COL8A1: variants seen among roughly 807,000 people sequenced by gnomAD.
The protein encoded by COL8A1 is collagen type VIII alpha 1 chain, also known as collagen alpha-1(VIII) chain.
A neutral mutation model predicts 42.7 loss-of-function variants in COL8A1; 21 were observed. The observed-to-expected ratio is 0.49, with a 90% confidence interval of 0.35 to 0.71. The LOEUF (loss-of-function observed/expected upper bound fraction) is 0.71, where lower values mean the gene tolerates loss of function less well. Ranked by LOEUF, COL8A1 falls within the 30% of genes least tolerant of loss-of-function variation. The probability of loss-of-function intolerance (pLI) is 0.01; values close to 1 mark genes in which losing one functional copy is unlikely to be tolerated. For synonymous variants in COL8A1, 367 were observed against 369.1 expected (o/e 0.99, Z 0.06); for missense variants, 788 against 962.4 (o/e 0.82, Z 2.40).
chr3:99,686,109 G>A (rs145952809), intron 1 of COL8A1, among the ~76,000 whole-genome samples: 2 of 152,192 alleles, frequency 1.3e-5, no homozygotes, highest in East Asian at 3.9e-4. Context: ...TAATCACATA[G>A]CCCTAAATAA....
In COL8A1 at chr3:99,797,795, T is replaced by G. The variant is rs1255669202; in HGVS notation, c.*1659T>G. Reference sequence around the variant, plus strand: ...AAAGGGCAACAAGAGCCTGTGTTTTTAATGTCATCCTGTACTCGGCACAAA... The same window carrying G: ...AAAGGGCAACAAGAGCCTGTGTTTTGAATGTCATCCTGTACTCGGCACAAA... On this transcript the variant is annotated 3_prime_UTR_variant, in exon 4 of 4. Coordinates refer to ENST00000652472, the MANE Select transcript of COL8A1 (RefSeq NM_020351.4). 1.3e-5 allele frequency: 2 copies of G among 152,238 alleles called. No individual in the cohort carries two copies. The highest frequency in any genetic ancestry group is 4.8e-5 in the African/African-American group (2 of 41,466). 9.4% of individuals were successfully genotyped at this position (152,238 alleles called of 1,614,324 possible).
intron 1 of COL8A1, among the ~76,000 whole-genome samples, chr3:99,743,337 A>G (rs1940944882): frequency 6.6e-6 from 1 of 152,210 alleles, no homozygotes; most frequent in South Asian, 2.1e-4. Flanking sequence ...GCTAAACCAA[A>G]GTTTATGTCT....
rs74896365 is a variant in COL8A1 at position 99,760,335 on chromosome 3, T to C, written c.-4+15314T>C. The stretch of plus-strand genomic sequence containing the variant: ...AGTCATTGAGGCTTAGCATGAAACT[T>C]GGAAGTACCAAAATAAATGGAGAAA... On this transcript the variant is annotated intron_variant, in intron 2 of 3. Transcript: ENST00000652472. Among the ~76,000 whole-genome samples, 175 of 152,164 alleles carry C rather than the reference T, an allele frequency of 1.2e-3. 7 individuals are homozygous for C. In the East Asian group the frequency reaches 0.032, roughly 27 times the overall value.
chr3:99,644,858 T>C (rs969676269), intron 1 of COL8A1, among the ~76,000 whole-genome samples: 4 of 152,204 alleles, frequency 2.6e-5, no homozygotes, highest in Admixed American at 2.0e-4. Context: ...AACATGTATC[T>C]AGCCTATTGG....
chr3:99,649,335 A>G (rs912119199), intron 1 of COL8A1, among the ~76,000 whole-genome samples: 2 of 152,120 alleles, frequency 1.3e-5, no homozygotes, highest in Non-Finnish European at 2.9e-5. Flanking sequence ...TTACCTCTGC[A>G]ACCTCAATGC....
At chr3:99,678,153 C>G (rs947601960) in intron 1 of COL8A1, 2 of 152,094 alleles carry the variant, frequency 1.3e-5, no homozygotes, top group African/African-American at 4.8e-5. Flanking sequence ...CACATTTAAA[C>G]AGGGGAACAA....
At chr3:99,655,894 A>G (rs1938003103) in intron 1 of COL8A1, among the ~76,000 whole-genome samples, 1 of 152,216 alleles carries the variant, frequency 6.6e-6, no homozygotes, top group Admixed American at 6.5e-5. Flanking sequence ...GTGCACTGAC[A>G]GAAGGAAGAA....
At chr3:99,791,246 T>A (rs1226869463) in intron 3 of COL8A1, among the ~76,000 whole-genome samples, 1 of 152,210 alleles carries the variant, frequency 6.6e-6, no homozygotes, top group Non-Finnish European at 1.5e-5. Flanking sequence ...TGAAATAAAA[T>A]ATATTAAATC....
chr3:99,655,772 C>A (rs1172858662), intron 1 of COL8A1, among the ~76,000 whole-genome samples: 1 of 152,140 alleles, frequency 6.6e-6, no homozygotes, highest in African/African-American at 2.4e-5. Context: ...CACTTTGAGC[C>A]TATTTACCTT....
intron 3 of COL8A1, among the ~76,000 whole-genome samples, chr3:99,792,516 C>G (rs150503119): frequency 6.6e-6 from 1 of 152,204 alleles, no homozygotes; most frequent in Non-Finnish European, 1.5e-5. Flanking sequence ...TATAACAGCA[C>G]GTGCTGTGTA....
chr3:99,796,065 C>A lies in COL8A1; in HGVS notation c.2164C>A (p.Gln722Lys). The A allele has an allele frequency of 6.2e-7, 1 of 1,609,622 alleles. No homozygotes were observed. The highest frequency in any genetic ancestry group is 1.1e-5 in the South Asian group (1 of 90,688). The change falls in exon 4 of 4, where the codon CAG (glutamine) becomes AAG (lysine). Residue 722 changes from glutamine to lysine, a missense_variant. Physicochemically the swap from Gln to Lys is moderately conservative, Grantham distance 53. Coordinates refer to ENST00000652472, the MANE Select transcript of COL8A1 (RefSeq NM_020351.4). ...GGTGTTCCTCCAGATGCCCTCAGAA[C>A]AGGCTGCAGGACTGTATGCCGGGCA... is the stretch of plus-strand genomic sequence containing the variant. ...DRVFLQMPSEQAAGLYAGQYV... is the reference protein window; with the variant it reads ...DRVFLQMPSEKAAGLYAGQYV...
At chr3:99,747,536 GC>G (rs746809839) in intron 2 of COL8A1, among the ~76,000 whole-genome samples, 2 of 152,236 alleles carry the variant, frequency 1.3e-5, no homozygotes, top group Non-Finnish European at 2.9e-5. Flanking sequence ...CTACGGAAGG[GC>G]TTTCTTGTGG....
chr3:99,786,053 C>A (rs1165620719), intron 2 of COL8A1, among the ~76,000 whole-genome samples: 1 of 152,164 alleles, frequency 6.6e-6, no homozygotes, highest in Non-Finnish European at 1.5e-5. Context: ...GTGAAAGGTA[C>A]CTTCAACTAA....
At chr3:99,726,567 G>C (rs1198458593) in intron 1 of COL8A1, among the ~76,000 whole-genome samples, 1 of 151,810 alleles carries the variant, frequency 6.6e-6, no homozygotes, top group Non-Finnish European at 1.5e-5. Context: ...AGTCTTTAAT[G>C]CATCTTGAAT....
intron 1 of COL8A1, chr3:99,707,254 C>G (rs551594903): frequency 6.6e-6 from 1 of 152,280 alleles, no homozygotes; most frequent in South Asian, 2.1e-4. Context: ...TAACCCACTT[C>G]TCACCACCAT....
chr3:99,687,393 C>T (rs1374674823), intron 1 of COL8A1, among the ~76,000 whole-genome samples: 1 of 152,148 alleles, frequency 6.6e-6, no homozygotes, highest in Non-Finnish European at 1.5e-5. Context: ...TGCTGTTAGG[C>T]ATCATGCAAA....
At chr3:99,655,557 C>T (rs1399429011) in intron 1 of COL8A1, among the ~76,000 whole-genome samples, 1 of 152,094 alleles carries the variant, frequency 6.6e-6, no homozygotes, top group Non-Finnish European at 1.5e-5. Context: ...GTATCTGACT[C>T]GCTGGAGAAA....
chr3:99,787,445 C>T (rs1024844126), intron 2 of COL8A1, among the ~76,000 whole-genome samples: 4 of 152,146 alleles, frequency 2.6e-5, no homozygotes, highest in African/African-American at 9.7e-5. Flanking sequence ...ATCATTATTG[C>T]AGTTAACCTC....
chr3:99,672,342 A>G (rs1431493201), intron 1 of COL8A1, among the ~76,000 whole-genome samples: 1 of 151,992 alleles, frequency 6.6e-6, no homozygotes, highest in African/African-American at 2.4e-5. Flanking sequence ...TTCCATGTCA[A>G]TTGGAACTAC....
Sources: allele counts gnomAD v4.1 joint callset (sites outside exome capture counted in the v4.1 genomes callset), GRCh38; gene constraint gnomAD v4.1.1; transcripts MANE v1.5; gene names NCBI Gene and HGNC (gene_info 2026-07-23, HGNC 2026-07-21).